UGT2A1: variants seen among roughly 807,000 people sequenced by gnomAD.
UGT2A1 encodes the protein UDP glucuronosyltransferase family 2 member A1 complex locus, also known as UDP-glucuronosyltransferase 2A1.
A neutral mutation model predicts 45.4 loss-of-function variants in UGT2A1; 61 were observed. That is an observed-to-expected ratio of 1.34 (90% CI 1.09 to 1.66). The LOEUF is 1.66. UGT2A1 is among the 40% of genes most tolerant of loss of function. UGT2A1 has a pLI of 0.00. For missense variants in UGT2A1, 649 were observed against 574.3 expected, an observed-to-expected ratio of 1.13 and a Z score of -1.33; for synonymous variants, 229 against 196.2, an observed-to-expected ratio of 1.17 and a Z score of -1.40.
chr4:69,644,589 C>T (rs1301869679), intron 2 of UGT2A1, among the ~76,000 whole-genome samples: 1 of 151,580 alleles, frequency 6.6e-6, no homozygotes, highest in Non-Finnish European at 1.5e-5. Flanking sequence ...TAGTTTCAAC[C>T]ATAAGATGTT....
At chr4:69,603,629 A>G (rs1197257534) in intron 3 of UGT2A1, 2 of 136,658 alleles carry the variant, frequency 1.5e-5, no homozygotes, top group Non-Finnish European at 3.1e-5. Context: ...GAGCTACAGG[A>G]AGAAGTTCAA....
intron 3 of UGT2A1, among the ~76,000 whole-genome samples, chr4:69,626,352 CA>C (rs985337760): frequency 1.3e-4 from 19 of 143,808 alleles, no homozygotes; most frequent in African/African-American, 3.0e-4. Context: ...TTAACCATGG[CA>C]AAAAAAAAAC....
At chr4:69,623,930 A>G (rs1431747571) in intron 3 of UGT2A1, among the ~76,000 whole-genome samples, 1 of 151,666 alleles carries the variant, frequency 6.6e-6, no homozygotes, top group African/African-American at 2.4e-5. Flanking sequence ...CAGAATGCCC[A>G]GGACAAGCAC....
chr4:69,640,776 T>C (rs1383359235), intron 2 of UGT2A1, among the ~76,000 whole-genome samples: 1 of 151,804 alleles, frequency 6.6e-6, no homozygotes, highest in Non-Finnish European at 1.5e-5. Flanking sequence ...TTTTAGAATT[T>C]TTGCATTTGT....
intron 4 of UGT2A1, among the ~76,000 whole-genome samples, chr4:69,598,256 G>A (rs1185054726): frequency 6.6e-6 from 1 of 152,042 alleles, no homozygotes; most frequent in African/African-American, 2.4e-5. Flanking sequence ...CAGAAATTTA[G>A]TACTCTTATA....
At chr4:69,619,548 C>A (rs1005719476) in intron 3 of UGT2A1, among the ~76,000 whole-genome samples, 15 of 151,684 alleles carry the variant, frequency 9.9e-5, no homozygotes, top group African/African-American at 3.6e-4. Flanking sequence ...TAATGATATA[C>A]CCAGAAATAA....
chr4:69,597,321 G>A (rs1019401987), intron 4 of UGT2A1, among the ~76,000 whole-genome samples: 1 of 152,144 alleles, frequency 6.6e-6, no homozygotes, highest in Non-Finnish European at 1.5e-5. Context: ...GCTGCCATGA[G>A]TGTGATGTTA....
At chr4:69,596,301 T>C (rs1441432085) in intron 4 of UGT2A1, 2 of 1,608,286 alleles carry the variant, frequency 1.2e-6, no homozygotes, top group South Asian at 2.2e-5. Flanking sequence ...CCTTTTCTTC[T>C]GTAAGGTTTT....
At position 69,646,994 on chromosome 4, in the gene UGT2A1, G is replaced by C. The variant is rs892300603; in HGVS notation, c.651C>G (p.His217Gln). 1.2e-6 allele frequency: 2 copies of C among 1,611,970 alleles called. No individual in the cohort carries two copies. Among genetic ancestry groups the C allele is most frequent in the Non-Finnish European group, 1.7e-6 (2 of 1,178,930 alleles). ...GAGTTTCAAACATGTAGTCCTGTAG[G>C]TGGTAGGAGATGAAATTTCTTATTC... The part of the protein sequence containing the change: ...TDRIRNFISY[H>Q]LQDYMFETLW... The change falls in exon 2 of 7, where the codon CAC becomes CAG. Residue 217 changes from histidine (H) to glutamine (Q), a missense_variant. Transcript: ENST00000286604.
intron 2 of UGT2A1, among the ~76,000 whole-genome samples, chr4:69,640,138 G>A (rs1456889789): frequency 6.6e-6 from 1 of 151,902 alleles, no homozygotes; most frequent in Non-Finnish European, 1.5e-5. Context: ...AGAAGATATG[G>A]CCTGGAACTC....
chr4:69,599,244 A>G lies in UGT2A1; in HGVS notation c.996+2T>C. 1 of 1,613,142 alleles carries G rather than the reference A, an allele frequency of 6.2e-7. No homozygotes were observed. Among genetic ancestry groups the G allele is most frequent in the South Asian group, 1.1e-5 (1 of 90,968 alleles). On this transcript the variant is annotated splice_donor_variant, in intron 4 of 6. Coordinates refer to ENST00000286604, the MANE Select transcript of UGT2A1 (RefSeq NM_001252275.3). LOFTEE classifies it high-confidence loss of function. ...TAAAATCCTCCACTGTTGTAGACCT[A>G]CCTTAGGTAAAGGTTTGGCAGGTTT... is the stretch of plus-strand genomic sequence containing the variant.
chr4:69,652,898 G>A (rs1722605941), intron 1 of UGT2A1, among the ~76,000 whole-genome samples: 1 of 152,146 alleles, frequency 6.6e-6, no homozygotes, highest in Admixed American at 6.5e-5. Context: ...AAAGGCATGA[G>A]AAGAATCCCT....
At chr4:69,612,283 C>A (rs960041344) in intron 3 of UGT2A1, among the ~76,000 whole-genome samples, 1 of 151,848 alleles carries the variant, frequency 6.6e-6, no homozygotes, top group African/African-American at 2.4e-5. Context: ...TGGAAGATAG[C>A]TCATGAGTTG....
chr4:69,622,329 A>C (rs182317160), intron 3 of UGT2A1, among the ~76,000 whole-genome samples: 5 of 151,852 alleles, frequency 3.3e-5, no homozygotes, highest in African/African-American at 1.2e-4. Flanking sequence ...AAAGTTAGAG[A>C]TCAAAACATA....
chr4:69,602,348 T>C (rs533866878), intron 3 of UGT2A1, among the ~76,000 whole-genome samples: 1 of 137,454 alleles, frequency 7.3e-6, no homozygotes, highest in South Asian at 2.4e-4. Context: ...GTAAGAGCAT[T>C]CTTATCAAGA....
chr4:69,617,823 T>C (rs763796157), intron 3 of UGT2A1, among the ~76,000 whole-genome samples: 3 of 151,926 alleles, frequency 2.0e-5, no homozygotes, highest in Admixed American at 2.0e-4. Flanking sequence ...TATAACTAGG[T>C]TTCAAAATAA....
intron 6 of UGT2A1, 40 bp from the exon 7 acceptor site, chr4:69,589,691 G>A (rs375760530): frequency 4.5e-6 from 7 of 1,559,750 alleles, no homozygotes; most frequent in Non-Finnish European, 6.1e-6. Flanking sequence ...GACAATTTTT[G>A]TTTTTATTTT....
At chr4:69,629,546 G>T (rs1266256536) in intron 3 of UGT2A1, among the ~76,000 whole-genome samples, 2 of 152,022 alleles carry the variant, frequency 1.3e-5, no homozygotes, top group Non-Finnish European at 2.9e-5. Context: ...GGGTAGCTGA[G>T]GTTAGTCAAA....
intron 3 of UGT2A1, among the ~76,000 whole-genome samples, chr4:69,625,368 A>AT (rs1304172413): frequency 1.3e-5 from 2 of 150,576 alleles, no homozygotes; most frequent in Non-Finnish European, 3.0e-5. Flanking sequence ...TTATTTTAAT[A>AT]TTTTTTTCTG....
Sources: gnomAD v4.1 joint callset for allele counts (sites outside exome capture counted in the v4.1 genomes callset) on GRCh38, gnomAD v4.1.1 for gene constraint, MANE v1.5 for transcripts, NCBI Gene and HGNC (gene_info 2026-07-23, HGNC 2026-07-21) for gene names.